The following SYNE2 variants were observed in gnomAD, a reference collection of about 807,000 sequenced individuals.
The protein encoded by SYNE2 is spectrin repeat containing nuclear envelope protein 2, also known as nesprin-2.
SYNE2 carries 431 observed loss-of-function variants against 856.3 expected under a neutral mutation model. The observed-to-expected ratio is 0.50, with a 90% CI of 0.47 to 0.55. The LOEUF (loss-of-function observed/expected upper bound fraction) is 0.55, where lower values mean the gene tolerates loss of function less well. Among genes scored for constraint, SYNE2 ranks in the 20% least tolerant of loss-of-function variants. The probability of loss-of-function intolerance (pLI) is 0.00; values close to 1 mark genes in which losing one functional copy is unlikely to be tolerated. For synonymous variants in SYNE2, 2,923 were observed against 2,872.3 expected, an observed-to-expected ratio of 1.02 and a Z score of -0.56; for missense variants, 8,129 against 8,023.2, an observed-to-expected ratio of 1.01 and a Z score of -0.50.
At chr14:63,927,138 G>A (rs1374529264) in intron 2 of SYNE2, among the ~76,000 whole-genome samples, 2 of 152,216 alleles carry the variant, frequency 1.3e-5, no homozygotes, top group Non-Finnish European at 2.9e-5. Flanking sequence ...ATGTTGCTAA[G>A]AGCAGAGAGA....
At chr14:63,961,367 G>A (rs148239582) in intron 8 of SYNE2, among the ~76,000 whole-genome samples, 158 bp from the exon 9 acceptor site, 2 of 152,350 alleles carry the variant, frequency 1.3e-5, no homozygotes, top group Non-Finnish European at 2.9e-5. Flanking sequence ...CAGTCTTGCA[G>A]CAAGGCTGAG....
Position 63,804,306 on chromosome 14 carries a change from C to A in SYNE2, c.-305+42320C>A, listed in dbSNP as rs533486145. 8.9e-4 allele frequency among the ~76,000 whole-genome samples: 134 copies of A among 151,300 alleles called. 1 individual carries two copies. Among genetic ancestry groups the A allele is most frequent in the African/African-American group, 3.2e-3 (131 of 41,278 alleles). On this transcript the variant is annotated intron_variant, in intron 1 of 23. Coordinates refer to the SYNE2 transcript ENST00000674003. ...TCATGGTTTGCATTTTTTTTTCCTT[C>A]CGTGGGTTGTCCGTTTACTCTGTTG...
chr14:64,162,072 G>T lies in SYNE2; in HGVS notation c.16095G>T (p.Arg5365Ser), dbSNP rs1483375206. ...IEEKCQNTHK[R>S]WTQVNQAIAD... ...TATGTTATTTGCGTTGCACTGACAG[G>T]TGGACTCAGGTGAACCAAGCCATTG... is the stretch of plus-strand genomic sequence containing the variant. The change falls in exon 88 of 116, where the codon AGG becomes AGT. Residue 5365 changes from arginine (R) to serine (S), a missense_variant and splice_region_variant. Arg to Ser is a moderately radical substitution (Grantham distance 110). Coordinates refer to ENST00000555002, the MANE Select transcript of SYNE2 (RefSeq NM_182914.3). 1 of 1,614,056 alleles carries T rather than the reference G, an allele frequency of 6.2e-7. No homozygotes were observed. The highest frequency in any genetic ancestry group is 1.6e-4 in the Middle Eastern group (1 of 6,084).
chr14:63,857,867 G>A (rs777287950), intron 1 of SYNE2, among the ~76,000 whole-genome samples: 15 of 152,042 alleles, frequency 9.9e-5, no homozygotes, highest in African/African-American at 3.4e-4. Flanking sequence ...CATTTGTCAC[G>A]TGTAAGATTT....
chr14:63,997,162 A>G lies in SYNE2; in HGVS notation c.3152+4A>G. On this transcript the variant is annotated splice_donor_region_variant and intron_variant, in intron 24 of 115. Coordinates refer to ENST00000555002, the MANE Select transcript of SYNE2 (RefSeq NM_182914.3). ...CGGGAGGCACGTCGAAAAACGAGTT[A>G]GTACTTCATAAGAATAGCTACCCTT... The G allele has an allele frequency of 6.2e-7, 1 of 1,612,950 alleles. No individual in the cohort carries two copies. Among genetic ancestry groups the G allele is most frequent in the Non-Finnish European group, 8.5e-7 (1 of 1,179,126 alleles).
chr14:63,862,071 AT>A (rs1287772976), intron 1 of SYNE2, among the ~76,000 whole-genome samples: 1 of 152,194 alleles, frequency 6.6e-6, no homozygotes, highest in African/African-American at 2.4e-5. Context: ...ACATCATATC[AT>A]TTTATCCTTA....
intron 6 of SYNE2, 36 bp from the exon 7 acceptor site, chr14:63,949,788 GC>G (rs774612069): frequency 1.2e-6 from 2 of 1,612,594 alleles, no homozygotes; most frequent in Non-Finnish European, 1.7e-6. Context: ...GGTAACTTAT[GC>G]TTTTATAAAC....
chr14:64,215,327 A>C lies in SYNE2; in HGVS notation c.19375A>C (p.Thr6459Pro). ...AAATCCTGAGGCATATCTTAAAATG[A>C]CCACAAAAACTTTGAAAGCGTCTTC... ...PENPEAYLKMTTKTLKASSGK... is the reference protein window; with the variant it reads ...PENPEAYLKMPTKTLKASSGK... Residue 6459 changes from threonine (T) to proline (P), a missense_variant, in exon 107 of 116, where the codon ACC becomes CCC. Transcript: ENST00000555002. 1 of 1,614,166 alleles carries C rather than the reference A, an allele frequency of 6.2e-7. No homozygotes were observed. Among genetic ancestry groups the C allele is most frequent in the Non-Finnish European group, 8.5e-7 (1 of 1,180,028 alleles).
chr14:63,976,857 C>G (rs1313150562), intron 12 of SYNE2, 130 bp downstream of exon 12: 1 of 1,047,352 alleles, frequency 9.5e-7, no homozygotes, highest in East Asian at 2.5e-5. Flanking sequence ...AATGATTCCT[C>G]TGGGGATTTT....
At chr14:64,082,669 T>TGAG (rs1192329360) in intron 57 of SYNE2, among the ~76,000 whole-genome samples, 18 of 152,228 alleles carry the variant, frequency 1.2e-4, no homozygotes, top group African/African-American at 3.9e-4. Context: ...TGTGGCTCCC[T>TGAG]GTAAGGAGGA....
At chr14:64,184,358 G>A (rs868043886) in intron 96 of SYNE2, among the ~76,000 whole-genome samples, 1 of 150,842 alleles carries the variant, frequency 6.6e-6, no homozygotes, top group African/African-American at 2.4e-5. Context: ...GTGTGTGTGT[G>A]TGTGTATGTG....
intron 65 of SYNE2, among the ~76,000 whole-genome samples, chr14:64,110,588 A>ACCCCCCCCCCCCCCC (rs11315645): frequency 2.7e-5 from 2 of 75,390 alleles, no homozygotes; most frequent in Non-Finnish European, 4.8e-5. Context: ...TACTTTTTAC[A>ACCCCCCCCCCCCCCC]CCCCCCCCCC....
At chr14:64,065,797 G>C (rs2097354853) in intron 51 of SYNE2, 147 bp downstream of exon 51, 2 of 907,512 alleles carry the variant, frequency 2.2e-6, no homozygotes, top group Middle Eastern at 3.1e-4. Flanking sequence ...AATGTTTATA[G>C]ATGTCAGGCC....
intron 1 of SYNE2, among the ~76,000 whole-genome samples, chr14:63,813,403 C>A (rs750721493): frequency 3.3e-5 from 5 of 152,188 alleles, no homozygotes; most frequent in Non-Finnish European, 7.3e-5. Context: ...GATGTGTAAA[C>A]CTGAATTAAT....
At chr14:64,186,886 G>A (rs2098494203) in intron 97 of SYNE2, among the ~76,000 whole-genome samples, 1 of 152,172 alleles carries the variant, frequency 6.6e-6, no homozygotes, top group Admixed American at 6.5e-5. Flanking sequence ...TGTGTAGGTG[G>A]CAAGTCCTAA....
intron 1 of SYNE2, among the ~76,000 whole-genome samples, chr14:63,897,951 G>A (rs1316236485): frequency 6.6e-6 from 1 of 152,158 alleles, no homozygotes; most frequent in Non-Finnish European, 1.5e-5. Context: ...AATTCTTCAT[G>A]GAATGCATGG....
intron 78 of SYNE2, among the ~76,000 whole-genome samples, chr14:64,135,773 T>C (rs2098082753): frequency 6.6e-6 from 1 of 152,208 alleles, no homozygotes; most frequent in Non-Finnish European, 1.5e-5. Context: ...AAAGAAGACA[T>C]ATCCTGTAAA....
chr14:63,871,125 T>C (rs1053127730), intron 1 of SYNE2, among the ~76,000 whole-genome samples: 4 of 152,118 alleles, frequency 2.6e-5, no homozygotes, highest in African/African-American at 7.2e-5. Context: ...TGCACAGAAA[T>C]GGATGGTTCT....
intron 68 of SYNE2, 70 bp downstream of exon 68, chr14:64,121,131 T>C: frequency 1.2e-6 from 2 of 1,601,254 alleles, no homozygotes; most frequent in Non-Finnish European, 1.7e-6. Context: ...GGTGCAAACC[T>C]ACAGTCCTAG....
Sources: allele counts gnomAD v4.1 joint callset (sites outside exome capture counted in the v4.1 genomes callset), GRCh38; gene constraint gnomAD v4.1.1; transcripts MANE v1.5; gene names NCBI Gene and HGNC (gene_info 2026-07-23, HGNC 2026-07-21).